The following AHI1 variants were observed in gnomAD, a reference collection of about 807,000 sequenced individuals.
The protein encoded by AHI1 is jouberin.
AHI1 carries 123 observed loss-of-function variants against 149.3 expected under a neutral mutation model. That is an observed-to-expected ratio of 0.82 (90% CI 0.71 to 0.96). AHI1 has a LOEUF of 0.96. Among genes scored for constraint, AHI1 ranks in the 40% least tolerant of loss-of-function variants. AHI1 has a pLI of 0.00. For missense variants in AHI1, 1,439 were observed against 1,422.7 expected (o/e 1.01, Z -0.18); for synonymous variants, 475 against 459.8 (o/e 1.03, Z -0.42).
chr6:135,451,914 A>ATC (rs200630047), intron 11 of AHI1, among the ~76,000 whole-genome samples: 66,631 of 151,674 alleles, frequency 0.44, 17,668 homozygotes, highest in East Asian at 0.59. Context: ...AGGCATTAAC[A>ATC]GATTTATAAA....
intron 21 of AHI1, among the ~76,000 whole-genome samples, chr6:135,406,398 T>C (rs1206794325): frequency 1.3e-5 from 2 of 152,214 alleles, no homozygotes; most frequent in East Asian, 3.8e-4. Flanking sequence ...CTGGGCTGAA[T>C]CCCAGCTCCA....
chr6:135,461,383 T>C (rs1411888837), intron 8 of AHI1, among the ~76,000 whole-genome samples: 1 of 151,942 alleles, frequency 6.6e-6, no homozygotes, highest in Non-Finnish European at 1.5e-5. Flanking sequence ...TCCTGAAGAA[T>C]GAGGAAAATT....
intron 23 of AHI1, among the ~76,000 whole-genome samples, chr6:135,381,875 T>C (rs556493420): frequency 6.6e-6 from 1 of 152,218 alleles, no homozygotes; most frequent in Admixed American, 6.5e-5. Context: ...CTCTGTTACA[T>C]AGTAGGCTCT....
At chr6:135,297,425 G>A (rs1464853889) in intron 27 of AHI1, 12 of 455,812 alleles carry the variant, frequency 2.6e-5, no homozygotes, top group Non-Finnish European at 4.8e-5. Context: ...AAAAACTCAA[G>A]CCTTACCTTT....
At chr6:135,303,309 C>A (rs929653401) in intron 26 of AHI1, among the ~76,000 whole-genome samples, 1 of 152,160 alleles carries the variant, frequency 6.6e-6, no homozygotes, top group Non-Finnish European at 1.5e-5. Context: ...ACATCTAGCA[C>A]ACGAGACTTA....
At chr6:135,476,923 T>C (rs1395342897) in intron 5 of AHI1, among the ~76,000 whole-genome samples, 3 of 152,232 alleles carry the variant, frequency 2.0e-5, no homozygotes, top group Non-Finnish European at 4.4e-5. Context: ...TGACACTTTC[T>C]ACTTTTTATT....
chr6:135,477,837 G>C (rs528361047), intron 5 of AHI1, among the ~76,000 whole-genome samples: 2 of 152,174 alleles, frequency 1.3e-5, no homozygotes, highest in Non-Finnish European at 2.9e-5. Flanking sequence ...CCGCTCTGTT[G>C]CCCAGGCTGG....
In AHI1 at chr6:135,358,174, T is replaced by C. The variant is rs572966075; in HGVS notation, c.3123A>G (p.Ile1041Met). The C allele has an allele frequency of 6.2e-7, 1 of 1,612,882 alleles. No individual in the cohort carries two copies. Among genetic ancestry groups the C allele is most frequent in the Admixed American group, 1.7e-5 (1 of 59,954 alleles). ...FGFTQTGIIS[I>M]ERKPCNHQVD... Reference sequence around the variant, plus strand: ...CCTGATGGTTACAAGGCTTTCTTTCTATGCTGATAATCCCTGTGGAAAGAA... The same window carrying C: ...CCTGATGGTTACAAGGCTTTCTTTCCATGCTGATAATCCCTGTGGAAAGAA... Residue 1041 changes from isoleucine to methionine, a missense_variant, in exon 24 of 29, where the codon ATA becomes ATG. By Grantham distance (10) the Ile-to-Met change is conservative. Coordinates refer to ENST00000265602, the MANE Select transcript of AHI1 (RefSeq NM_001134831.2).
chr6:135,287,259 C>T (rs538420276), intron 28 of AHI1, among the ~76,000 whole-genome samples: 29 of 152,194 alleles, frequency 1.9e-4, no homozygotes, highest in African/African-American at 6.7e-4. Context: ...AGAAGCCAGA[C>T]GGACCTTCAG....
At chr6:135,360,112 T>G (rs1310321356) in intron 23 of AHI1, among the ~76,000 whole-genome samples, 1 of 152,146 alleles carries the variant, frequency 6.6e-6, no homozygotes, top group Non-Finnish European at 1.5e-5. Context: ...AAAAAATGTA[T>G]CAAAATAACT....
chr6:135,334,312 C>G (rs959652898), intron 24 of AHI1, among the ~76,000 whole-genome samples: 3 of 152,142 alleles, frequency 2.0e-5, no homozygotes, highest in African/African-American at 7.2e-5. Context: ...AAAGCCCTTA[C>G]AAAAGAAACC....
chr6:135,387,336 C>T (rs1372106645), intron 23 of AHI1, among the ~76,000 whole-genome samples: 1 of 152,102 alleles, frequency 6.6e-6, no homozygotes, highest in East Asian at 1.9e-4. Flanking sequence ...TCTGTTGTTG[C>T]TTTTGTTCTA....
chr6:135,398,058 G>GT (rs68148024), intron 22 of AHI1, among the ~76,000 whole-genome samples: 6,532 of 88,490 alleles, frequency 0.074, 886 homozygotes, highest in African/African-American at 0.26. Flanking sequence ...TACCCAGGAT[G>GT]TTTTTTTTTT....
Position 135,432,648 on chromosome 6 carries a change from G to T in AHI1, c.2266+379C>A, listed in dbSNP as rs1049566979. On this transcript the variant is annotated intron_variant, in intron 16 of 28. Coordinates refer to ENST00000265602, the MANE Select transcript of AHI1 (RefSeq NM_001134831.2). ...ATTACAGGCACGAACCACCGCGCCCGGCCACCATATTATTCTTATATCAAG... is the reference window on the plus strand; with the variant it reads ...ATTACAGGCACGAACCACCGCGCCCTGCCACCATATTATTCTTATATCAAG... 2.0e-5 allele frequency among the ~76,000 whole-genome samples: 3 copies of T among 151,972 alleles called. No individual in the cohort carries two copies. In the South Asian group the frequency reaches 6.2e-4, roughly 32 times the overall value.
intron 23 of AHI1, among the ~76,000 whole-genome samples, chr6:135,384,065 T>A (rs1334162382): frequency 3.3e-5 from 5 of 151,918 alleles, no homozygotes; most frequent in Non-Finnish European, 7.4e-5. Context: ...ACCTTTCAAG[T>A]CTTCTACTTT....
At chr6:135,426,867 A>G (rs1387503070) in intron 20 of AHI1, among the ~76,000 whole-genome samples, 1 of 151,762 alleles carries the variant, frequency 6.6e-6, no homozygotes, top group Non-Finnish European at 1.5e-5. Context: ...TATGTGCTTT[A>G]GTAACAACAC....
At chr6:135,371,552 T>C (rs1775063935) in intron 23 of AHI1, among the ~76,000 whole-genome samples, 1 of 152,234 alleles carries the variant, frequency 6.6e-6, no homozygotes, top group Admixed American at 6.5e-5. Flanking sequence ...ATCATTCTTC[T>C]GCTCAGGGAA....
Position 135,388,966 on chromosome 6 carries a change from C to T in AHI1, c.3109+5810G>A, listed in dbSNP as rs369542531. Among the ~76,000 whole-genome samples the T allele has an allele frequency of 1.2e-4, 18 of 151,458 alleles. No homozygotes were observed. In the South Asian group the frequency reaches 1.3e-3, roughly 11 times the overall value. On this transcript the variant is annotated intron_variant, in intron 23 of 28. Coordinates refer to ENST00000265602, the MANE Select transcript of AHI1 (RefSeq NM_001134831.2). ...GGCGGAGGTTACAGCGAGCTGAGACCGCGCCACTGCACTCCAGCCTGGGTG... is the reference window on the plus strand; with the variant it reads ...GGCGGAGGTTACAGCGAGCTGAGACTGCGCCACTGCACTCCAGCCTGGGTG...
rs969178984 is a variant in AHI1 at position 135,453,367 on chromosome 6, G to T, written c.1414C>A (p.Arg472=). 3 of 1,561,838 alleles carry T rather than the reference G, an allele frequency of 1.9e-6. No homozygotes were observed. The highest frequency in any genetic ancestry group is 1.4e-5 in the African/African-American group (1 of 73,722). Residue 472 remains arginine (R), a synonymous_variant, in exon 11 of 29, where the codon CGG becomes AGG. Transcript: ENST00000265602. ...TTAAGAAATGCCCAGGCAATTTTCC[G>T]AAAGCCACATTCTTGGTTTTGAACC... ...SEVQNQECGF[R]KIAWAFLKLL...
Sources: allele counts gnomAD v4.1 joint callset (sites outside exome capture counted in the v4.1 genomes callset), GRCh38; gene constraint gnomAD v4.1.1; transcripts MANE v1.5; gene names NCBI Gene and HGNC (gene_info 2026-07-23, HGNC 2026-07-21).